Variants in FSTL5 observed in about 807,000 individuals in gnomAD.
The protein encoded by FSTL5 is follistatin like 5.
Under a neutral mutation model 89.1 loss-of-function variants are expected in FSTL5, and 62 were observed. The ratio of observed to expected loss-of-function variants is 0.70; its 90% CI spans 0.57 to 0.86. FSTL5 has a LOEUF of 0.86. Ranked by LOEUF, FSTL5 falls within the 40% of genes least tolerant of loss-of-function variation. FSTL5 has a pLI of 0.00. For synonymous variants in FSTL5, 383 were observed against 346.2 expected (o/e 1.11, Z -1.18); for missense variants, 1,057 against 1,001.6 (o/e 1.06, Z -0.75).
At chr4:161,410,276 A>G (rs990760160) in intron 15 of FSTL5, among the ~76,000 whole-genome samples, 2 of 152,188 alleles carry the variant, frequency 1.3e-5, no homozygotes, top group African/African-American at 2.4e-5. Context: ...ACATGATAAG[A>G]GTGAGAGACT....
Position 162,141,407 on chromosome 4 carries a change from G to A in FSTL5, c.-17+22208C>T, listed in dbSNP as rs968079070. The stretch of plus-strand genomic sequence containing the variant: ...TGGGATTACAGGCGTGAGCCACCGC[G>A]CCCGGCCTCCCTTCTCTCTTTTGGT... On this transcript the variant is annotated intron_variant, in intron 1 of 15. Coordinates refer to ENST00000306100, the MANE Select transcript of FSTL5 (RefSeq NM_020116.5). Among the ~76,000 whole-genome samples, 3 of 89,250 alleles carry A rather than the reference G, an allele frequency of 3.4e-5. 1 individual carries two copies. The highest frequency in any genetic ancestry group is 2.7e-5 in the Non-Finnish European group (1 of 37,702). The allele number at this position is 89,250 out of a possible 152,430, so 58.6% of individuals were successfully genotyped here.
In FSTL5 at chr4:161,455,019, A is replaced by G. The variant is rs755044734; in HGVS notation, c.1826T>C (p.Ile609Thr). 3 of 1,613,650 alleles carry G rather than the reference A, an allele frequency of 1.9e-6. No individual in the cohort carries two copies. In the South Asian group the frequency reaches 3.3e-5, roughly 18 times the overall value. ...TAGCACTTACCTCATATGGGTGATA[A>G]TGAGTGTTGTGGTGGGAATGAAAAA... ...DDFFIPTTTL[I>T]ITHMRFGFIL... is the part of the protein sequence containing the mutation. The change falls in exon 15 of 16, where the codon ATT becomes ACT. Residue 609 changes from isoleucine to threonine, a missense_variant. Transcript: ENST00000306100.
intron 4 of FSTL5, among the ~76,000 whole-genome samples, chr4:161,779,764 T>TATATATATATATATATATATAC: frequency 6.7e-5 from 1 of 14,956 alleles, no homozygotes; most frequent in South Asian, 2.2e-3. Context: ...TAAAGTTATA[T>TATATATATATATATATATATAC]ATATATATAT....
intron 4 of FSTL5, among the ~76,000 whole-genome samples, chr4:161,827,357 G>T (rs1730699539): frequency 6.6e-6 from 1 of 152,218 alleles, no homozygotes; most frequent in African/African-American, 2.4e-5. Flanking sequence ...GAGGTGGCAG[G>T]GGAGTGAAGT....
chr4:161,834,661 GACAA>G lies in FSTL5; in HGVS notation c.410-58591_410-58588del, dbSNP rs1322456684. ...CAAGCATTCTTATACACCAATAACA[GACAA>G]ACAGAGAGCCAAATCATGAGTGAAC... On this transcript the variant is annotated intron_variant, in intron 4 of 15. Transcript: ENST00000306100. Among the ~76,000 whole-genome samples, 601 of 152,048 alleles carry G rather than the reference GACAA, an allele frequency of 4.0e-3. 3 individuals are homozygous for G. Among genetic ancestry groups the G allele is most frequent in the African/African-American group, 0.014 (582 of 41,454 alleles).
At chr4:162,030,749 A>T (rs1435846666) in intron 3 of FSTL5, among the ~76,000 whole-genome samples, 1 of 152,232 alleles carries the variant, frequency 6.6e-6, no homozygotes, top group African/African-American at 2.4e-5. Flanking sequence ...TTAAGTTGGC[A>T]GACTCTGTAA....
intron 3 of FSTL5, among the ~76,000 whole-genome samples, chr4:161,966,199 G>A (rs986631460): frequency 6.6e-6 from 1 of 152,012 alleles, no homozygotes; most frequent in Non-Finnish European, 1.5e-5. Context: ...AGTAAGTGAG[G>A]TTGTGGAACC....
intron 10 of FSTL5, among the ~76,000 whole-genome samples, chr4:161,537,905 T>C (rs1731681121): frequency 1.3e-5 from 2 of 152,114 alleles, no homozygotes; most frequent in South Asian, 4.1e-4. Context: ...CAAGAGCAAA[T>C]GGGAAGACAG....
At chr4:161,614,559 G>T (rs1347416978) in intron 7 of FSTL5, among the ~76,000 whole-genome samples, 1 of 152,144 alleles carries the variant, frequency 6.6e-6, no homozygotes, top group Admixed American at 6.5e-5. Flanking sequence ...TGTACTCACT[G>T]TGTATGTTTC....
chr4:161,953,831 T>C (rs1484451700), intron 3 of FSTL5, among the ~76,000 whole-genome samples: 1 of 151,638 alleles, frequency 6.6e-6, no homozygotes, highest in Non-Finnish European at 1.5e-5. Context: ...TTCTGTATAA[T>C]TATAAGTTAG....
At chr4:161,428,027 C>A (rs2126331752) in intron 15 of FSTL5, among the ~76,000 whole-genome samples, 1 of 152,244 alleles carries the variant, frequency 6.6e-6, no homozygotes, top group South Asian at 2.1e-4. Context: ...CTCCCTCATC[C>A]CTCAGCAGCA....
chr4:161,777,505 T>A (rs1231662535), intron 4 of FSTL5, among the ~76,000 whole-genome samples: 1 of 152,042 alleles, frequency 6.6e-6, no homozygotes, highest in Non-Finnish European at 1.5e-5. Context: ...TAAAAATAAA[T>A]GTATTTTCTT....
chr4:162,039,313 T>C (rs1394519661), intron 2 of FSTL5, among the ~76,000 whole-genome samples: 2 of 151,884 alleles, frequency 1.3e-5, no homozygotes, highest in African/African-American at 4.8e-5. Context: ...AGTTTGCTGT[T>C]GTTTTTCCTG....
chr4:162,066,356 C>CTTCTTCTTCTTCTTCTTCTTCTTCTTG (rs1561000563), intron 2 of FSTL5, among the ~76,000 whole-genome samples: 3 of 100,794 alleles, frequency 3.0e-5, no homozygotes, highest in African/African-American at 1.1e-4. Context: ...TCTTCTTCTC[C>CTTCTTCTTCTTCTTCTTCTTCTTCTTG]TTCTTCTTCT....
chr4:161,981,494 G>T (rs1735825594), intron 3 of FSTL5, among the ~76,000 whole-genome samples: 1 of 152,122 alleles, frequency 6.6e-6, no homozygotes, highest in South Asian at 2.1e-4. Context: ...GGAGGTGTCG[G>T]TAACTGGTGT....
intron 1 of FSTL5, among the ~76,000 whole-genome samples, chr4:162,154,988 A>G (rs1375407360): frequency 6.6e-6 from 1 of 152,150 alleles, no homozygotes; most frequent in African/African-American, 2.4e-5. Flanking sequence ...AGCAATAAAG[A>G]CCAAGGTTTA....
intron 7 of FSTL5, among the ~76,000 whole-genome samples, chr4:161,601,761 G>T (rs1734245246): frequency 6.6e-6 from 1 of 151,926 alleles, no homozygotes; most frequent in Non-Finnish European, 1.5e-5. Context: ...AACACTAAAG[G>T]AATAAGTACA....
At chr4:161,745,238 A>C (rs1740157423) in intron 6 of FSTL5, among the ~76,000 whole-genome samples, 1 of 152,104 alleles carries the variant, frequency 6.6e-6, no homozygotes, top group Admixed American at 6.6e-5. Context: ...TTCAGTTTGA[A>C]ATCAATATTT....
intron 7 of FSTL5, among the ~76,000 whole-genome samples, chr4:161,639,995 A>T (rs1321581508): frequency 6.6e-6 from 1 of 152,146 alleles, no homozygotes; most frequent in East Asian, 1.9e-4. Flanking sequence ...TTGGAACAAG[A>T]CTTTAAAGAT....
Sources: gnomAD v4.1 joint callset for allele counts (sites outside exome capture counted in the v4.1 genomes callset) on GRCh38, gnomAD v4.1.1 for gene constraint, MANE v1.5 for transcripts, NCBI Gene and HGNC (gene_info 2026-07-23, HGNC 2026-07-21) for gene names.